Variants in ZNF138 observed in about 807,000 individuals in gnomAD.
ZNF138 encodes the protein zinc finger protein 138 (clone pHZ-32).
Under a neutral mutation model 33.0 loss-of-function variants are expected in ZNF138, and 33 were observed. The ratio of observed to expected loss-of-function variants is 1.00; its 90% CI spans 0.76 to 1.34. The LOEUF is 1.34. Among genes scored for constraint, ZNF138 ranks in the 40% most tolerant of loss-of-function variants. The pLI, the probability that ZNF138 is intolerant of heterozygous loss-of-function variation, is 0.00. For synonymous variants in ZNF138, 139 were observed against 120.4 expected, an observed-to-expected ratio of 1.15 and a Z score of -1.01; for missense variants, 360 against 370.8, an observed-to-expected ratio of 0.97 and a Z score of 0.24.
intron 1 of ZNF138, among the ~76,000 whole-genome samples, chr7:64,797,007 G>A (rs969350125): frequency 5.3e-5 from 8 of 152,224 alleles, no homozygotes; most frequent in African/African-American, 1.9e-4. Flanking sequence ...CTGAGATCGT[G>A]CGGCTGCACT....
At chr7:64,803,902 G>A (rs1214894356) in intron 1 of ZNF138, among the ~76,000 whole-genome samples, 2 of 152,112 alleles carry the variant, frequency 1.3e-5, no homozygotes, top group Non-Finnish European at 2.9e-5. Context: ...CATAACTTCA[G>A]TGTCTTTCGT....
At chr7:64,824,507 CTT>C (rs1388379038) in intron 3 of ZNF138, among the ~76,000 whole-genome samples, 1 of 152,094 alleles carries the variant, frequency 6.6e-6, no homozygotes, top group Non-Finnish European at 1.5e-5. Flanking sequence ...TCTGTTTTCT[CTT>C]GATTTTTTAT....
chr7:64,844,907 G>A, the ZNF138 span, among the ~76,000 whole-genome samples: 1 of 152,084 alleles, frequency 6.6e-6, no homozygotes, highest in Non-Finnish European at 1.5e-5. Flanking sequence ...GGCTGGTCTC[G>A]AACCCCTGAC....
chr7:64,809,448 CCCTGAACCTCCCT>C (rs1787912323), intron 1 of ZNF138, among the ~76,000 whole-genome samples: 2 of 22,044 alleles, frequency 9.1e-5, no homozygotes, highest in African/African-American at 1.7e-4. Context: ...GGGGCTAACC[CCCTGAACCTCCCT>C]CCCGGATGGG....
At chr7:64,854,516 T>G in the ZNF138 span, among the ~76,000 whole-genome samples, 1 of 152,206 alleles carries the variant, frequency 6.6e-6, no homozygotes, top group Non-Finnish European at 1.5e-5. Context: ...GCTGGGATTA[T>G]AGGCGTGAGC....
In ZNF138 at chr7:64,831,611, T is replaced by C; in HGVS notation, c.369T>C (p.Gly123=). 6.2e-7 allele frequency: 1 copy of C among 1,611,750 alleles called. No homozygotes were observed. Among genetic ancestry groups the C allele is most frequent in the Non-Finnish European group, 8.5e-7 (1 of 1,179,284 alleles). ...SVDECKGHQG[G]FNGLNQCLKI... ...ATGAGTGTAAGGGACACCAAGGAGG[T>C]TTTAATGGACTTAACCAATGTTTGA... The change falls in exon 4 of 4, where the codon GGT becomes GGC. Residue 123 remains glycine (G), a synonymous_variant. Transcript: ENST00000307355.
intron 1 of ZNF138, among the ~76,000 whole-genome samples, chr7:64,795,941 T>C (rs1284030858): frequency 6.6e-6 from 1 of 152,184 alleles, no homozygotes; most frequent in Non-Finnish European, 1.5e-5. Context: ...GAGGACAACC[T>C]GAGGTTGGAG....
At chr7:64,816,732 A>C (rs1788667045) in intron 3 of ZNF138, among the ~76,000 whole-genome samples, 1 of 152,198 alleles carries the variant, frequency 6.6e-6, no homozygotes, top group African/African-American at 2.4e-5. Context: ...AAGTATTGAC[A>C]ATGACACAAT....
intron 3 of ZNF138, 31 bp from the exon 4 acceptor site, chr7:64,831,420 G>C (rs934909725): frequency 6.7e-7 from 1 of 1,486,638 alleles, no homozygotes; most frequent in African/African-American, 1.4e-5. Context: ...TCTAGCAGGT[G>C]GAGTAATTTG....
the ZNF138 span, chr7:64,853,424 TG>T: frequency 1.2e-6 from 1 of 805,628 alleles, no homozygotes; most frequent in Non-Finnish European, 2.0e-6. Context: ...GGGTTCTTTA[TG>T]GATCCACCGG....
chr7:64,797,037 G>A (rs1476018430), intron 1 of ZNF138, among the ~76,000 whole-genome samples: 2 of 151,372 alleles, frequency 1.3e-5, no homozygotes, highest in Non-Finnish European at 3.0e-5. Context: ...GCGACAGAGC[G>A]AGACTCCATC....
downstream of ZNF138, among the ~76,000 whole-genome samples, chr7:64,838,559 G>C (rs1790430231): frequency 6.6e-6 from 1 of 152,138 alleles, no homozygotes; most frequent in Admixed American, 6.5e-5. Context: ...TTTTGTTTCA[G>C]TCTTGCCTGT....
chr7:64,811,063 T>C (rs1482694904), intron 1 of ZNF138, among the ~76,000 whole-genome samples: 2 of 152,336 alleles, frequency 1.3e-5, no homozygotes, highest in African/African-American at 4.8e-5. Context: ...TTCTCTAAGC[T>C]GCATTAAAGT....
chr7:64,845,900 AGATTT>A, the ZNF138 span, among the ~76,000 whole-genome samples: 10 of 152,310 alleles, frequency 6.6e-5, no homozygotes, highest in Admixed American at 2.6e-4. Context: ...CTTAGATCTT[AGATTT>A]AAGTCTTAGA....
At chr7:64,801,716 C>T (rs554895846) in intron 1 of ZNF138, among the ~76,000 whole-genome samples, 1 of 150,838 alleles carries the variant, frequency 6.6e-6, no homozygotes, top group South Asian at 2.1e-4. Context: ...TTTTAATTTG[C>T]TGCCTCAATA....
chr7:64,844,371 A>T, the ZNF138 span, among the ~76,000 whole-genome samples: 1 of 151,196 alleles, frequency 6.6e-6, no homozygotes, highest in Admixed American at 6.6e-5. Flanking sequence ...TAGAGTCTGG[A>T]TGTGGGTCTT....
intron 3 of ZNF138, among the ~76,000 whole-genome samples, chr7:64,821,792 G>A (rs1017274814): frequency 6.6e-6 from 1 of 151,274 alleles, no homozygotes; most frequent in Admixed American, 6.6e-5. Context: ...TGATCCTCCT[G>A]CCTTGGCCTC....
At chr7:64,803,319 AT>A (rs909836039) in intron 1 of ZNF138, among the ~76,000 whole-genome samples, 1 of 144,122 alleles carries the variant, frequency 6.9e-6, no homozygotes, top group Admixed American at 7.1e-5. Context: ...ATTTGTTTAG[AT>A]TAAAGCTCAT....
chr7:64,804,824 T>G (rs1708279233), intron 1 of ZNF138, among the ~76,000 whole-genome samples: 1 of 152,108 alleles, frequency 6.6e-6, no homozygotes, highest in African/African-American at 2.4e-5. Flanking sequence ...CATTCCATTA[T>G]AGATCCTCTC....
Sources: allele counts gnomAD v4.1 joint callset (sites outside exome capture counted in the v4.1 genomes callset), GRCh38; gene constraint gnomAD v4.1.1; transcripts MANE v1.5; gene names NCBI Gene and HGNC (gene_info 2026-07-23, HGNC 2026-07-21).